The following INTS2 variants were observed in gnomAD, a reference collection of about 807,000 sequenced individuals.
The protein encoded by INTS2 is KIAA1287.
INTS2 carries 57 observed loss-of-function variants against 139.6 expected under a neutral mutation model. The observed-to-expected ratio is 0.41, with a 90% confidence interval of 0.33 to 0.51. The LOEUF (loss-of-function observed/expected upper bound fraction) is 0.51. INTS2 is among the 20% of genes least tolerant of loss of function. INTS2 has a pLI of 0.28. For missense variants in INTS2, 1,196 were observed against 1,436.7 expected, an observed-to-expected ratio of 0.83 and a Z score of 2.71; for synonymous variants, 473 against 493.4, an observed-to-expected ratio of 0.96 and a Z score of 0.55.
Position 61,911,595 on chromosome 17 carries a change from A to T in INTS2, c.879T>A (p.Phe293Leu), listed in dbSNP as rs752599189. 3.1e-6 allele frequency: 5 copies of T among 1,614,010 alleles called. No homozygotes were observed. In the East Asian group the frequency reaches 1.1e-4, roughly 36 times the overall value. Residue 293 changes from phenylalanine (F) to leucine (L), a missense_variant, in exon 7 of 25, where the codon TTT (phenylalanine) becomes TTA (leucine). Phe to Leu is a conservative substitution (Grantham distance 22). Around this residue, in one of 3 missense-constraint regions of INTS2, gnomAD observed 1,129 missense variants for 1,341.9 expected, o/e 0.84. Transcript: ENST00000251334. ...TTGTTCCAAGAAGCAAACCACTTAC[A>T]AAACAAACCAAGTCACTCACTCCAT... ...CEDGVSDLVC[F>L]VSGLLLGTNA... is the part of the protein sequence containing the mutation.
intron 14 of INTS2, 52 bp from the exon 15 acceptor site, chr17:61,889,946 T>G: frequency 1.8e-6 from 2 of 1,087,510 alleles, no homozygotes; most frequent in Non-Finnish European, 2.7e-6. Context: ...CACGAGTGCT[T>G]TTTTTTTTCT....
intron 2 of INTS2, among the ~76,000 whole-genome samples, 176 bp from the exon 3 acceptor site, chr17:61,925,275 G>A (rs1004449767): frequency 6.6e-6 from 1 of 152,134 alleles, no homozygotes; most frequent in African/African-American, 2.4e-5. Context: ...CACATCCTAC[G>A]TATAATAAAT....
At chr17:61,888,051 CA>C (rs954589309) in intron 15 of INTS2, among the ~76,000 whole-genome samples, 20 of 140,310 alleles carry the variant, frequency 1.4e-4, no homozygotes, top group South Asian at 4.6e-4. Flanking sequence ...GATTTTGTCT[CA>C]AAAAAAAAAG....
In INTS2 at chr17:61,875,093, A is replaced by G; in HGVS notation, c.2457-55T>C. The G allele has an allele frequency of 2.3e-6, 3 of 1,303,704 alleles. No individual in the cohort carries two copies. Among genetic ancestry groups the G allele is most frequent in the Non-Finnish European group, 3.1e-6 (3 of 964,212 alleles). 80.8% of individuals were successfully genotyped at this position (1,303,704 alleles called of 1,614,324 possible). A position where few individuals can be genotyped will look rare whatever the true frequency, so the allele number is the denominator to read the frequency against. On this transcript the variant is annotated intron_variant, in intron 18 of 24. Transcript: ENST00000251334. This position sits in a 1 kb window ranked among gnomAD's most constrained non-coding sequence, Gnocchi z 4.6. The stretch of plus-strand genomic sequence containing the variant: ...CAGTTTTTTATATATTAAAATCTGT[A>G]GCCATCCAGTCCTTTCTATCTTAGA...
chr17:61,922,661 T>C (rs944525653), intron 3 of INTS2, among the ~76,000 whole-genome samples: 5 of 151,548 alleles, frequency 3.3e-5, no homozygotes, highest in African/African-American at 1.2e-4. Flanking sequence ...ATTTCCTATA[T>C]AATGAAGAGT....
Position 61,869,069 on chromosome 17 carries a change from C to T in INTS2, c.3209G>A (p.Arg1070His). 1.3e-6 allele frequency: 2 copies of T among 1,581,270 alleles called. No individual in the cohort carries two copies. Among genetic ancestry groups the T allele is most frequent in the Non-Finnish European group, 1.7e-6 (2 of 1,167,162 alleles). The part of the protein sequence containing the change: ...YALPKSLSVA[R>H]LAVNVMGTLL... The stretch of plus-strand genomic sequence containing the variant: ...AGTTCCCATGACATTGACAGCTAAA[C>T]GAGCCACACTAAGTGACTTTGGTAA... Residue 1070 changes from arginine to histidine, a missense_variant, in exon 23 of 25, where the codon CGT becomes CAT. Transcript: ENST00000251334. The surrounding 1 kb of genome is among the most constrained non-coding windows in gnomAD (Gnocchi z 5.4).
intron 6 of INTS2, 83 bp downstream of exon 6, chr17:61,911,857 C>T: frequency 6.7e-7 from 1 of 1,497,562 alleles, no homozygotes; most frequent in Admixed American, 2.2e-5. Context: ...TTCCCCACCT[C>T]TACAGGACTC....
At chr17:61,915,193 C>T (rs750084665) in intron 5 of INTS2, among the ~76,000 whole-genome samples, 3 of 151,566 alleles carry the variant, frequency 2.0e-5, no homozygotes, top group Non-Finnish European at 2.9e-5. Flanking sequence ...AAAAAATTAG[C>T]CGGGCATGGT....
intron 15 of INTS2, among the ~76,000 whole-genome samples, chr17:61,887,984 G>A (rs968750483): frequency 9.2e-5 from 14 of 152,078 alleles, no homozygotes; most frequent in Non-Finnish European, 1.8e-4. Context: ...CCTGAGAGGC[G>A]GAGGTTGCAG....
At position 61,927,933 on chromosome 17, in the gene INTS2, A is replaced by C. The variant is rs1603385918; in HGVS notation, c.-298T>G. 6.2e-7 allele frequency: 1 copy of C among 1,613,944 alleles called. No homozygotes were observed. The highest frequency in any genetic ancestry group is 1.6e-4 in the Middle Eastern group (1 of 6,062). ...GAGACTTTTTCAACCTGCACCCAGCACCTTCATTCATCCCCAGCGTCTGAC... is the reference window on the plus strand; with the variant it reads ...GAGACTTTTTCAACCTGCACCCAGCCCCTTCATTCATCCCCAGCGTCTGAC... On this transcript the variant is annotated 5_prime_UTR_variant, in exon 1 of 25. Coordinates refer to ENST00000251334, the MANE Select transcript of INTS2 (RefSeq NM_001351695.2).
At chr17:61,917,602 G>T (rs2079596080) in intron 5 of INTS2, among the ~76,000 whole-genome samples, 1 of 152,106 alleles carries the variant, frequency 6.6e-6, no homozygotes, top group East Asian at 1.9e-4. Context: ...ATAAAGATGG[G>T]AACAATGGAC....
Position 61,867,570 on chromosome 17 carries a change from A to T in INTS2, c.3578T>A (p.Val1193Asp). Reference sequence around the variant, plus strand: ...TTAAATTTTGTTTTAAATTCCACTAACACTCATATTTATTATTTCAATTAC... The same window carrying T: ...TTAAATTTTGTTTTAAATTCCACTATCACTCATATTTATTATTTCAATTAC... ...RTVIEIINMS[V>D]SGI Residue 1193 changes from valine (V) to aspartate (D), a missense_variant, in exon 25 of 25, where the codon GTT becomes GAT. Physicochemically the swap from Val to Asp is radical, Grantham distance 152 (BLOSUM62 -3). Transcript: ENST00000251334. The surrounding 1 kb of genome is among the most constrained non-coding windows in gnomAD (Gnocchi z 5.6). 1.3e-6 allele frequency: 2 copies of T among 1,599,626 alleles called. No homozygotes were observed. Among genetic ancestry groups the T allele is most frequent in the Non-Finnish European group, 1.7e-6 (2 of 1,172,774 alleles).
rs1372962400 is a variant in INTS2, at chr17:61,927,576, T to A, written c.-19+78A>T. 1.9e-5 allele frequency: 21 copies of A among 1,127,846 alleles called. No homozygotes were observed. The Middle Eastern group carries it at 2.2e-3, about 120-fold the overall frequency. The allele number at this position is 1,127,846 out of a possible 1,614,324, so 69.9% of individuals were successfully genotyped here. A position where few individuals can be genotyped will look rare whatever the true frequency, so the allele number is the denominator to read the frequency against. ...GGCGCAACTAGAACCAATAAGTCCC[T>A]CAGGCTGAGCAAAGTCTGGCCAGGC... On this transcript the variant is annotated intron_variant, in intron 1 of 24. Transcript: ENST00000251334.
intron 3 of INTS2, among the ~76,000 whole-genome samples, chr17:61,923,699 G>C (rs933547123): frequency 6.6e-6 from 1 of 151,824 alleles, no homozygotes; most frequent in Non-Finnish European, 1.5e-5. Flanking sequence ...TGTTGTTTTT[G>C]AGGCAGTTTT....
At position 61,870,055 on chromosome 17, in the gene INTS2, A is replaced by C. The variant is rs548954951; in HGVS notation, c.2779-67T>G. ...GAAGTTAAAAAACAAATCAGATTTT[A>C]TTTTCACATGAACAGATATGATAAA... On this transcript the variant is annotated intron_variant, in intron 20 of 24. Coordinates refer to ENST00000251334, the MANE Select transcript of INTS2 (RefSeq NM_001351695.2). The surrounding 1 kb of genome is among the most constrained non-coding windows in gnomAD (Gnocchi z 4.4). 19 of 1,394,144 alleles carry C rather than the reference A, an allele frequency of 1.4e-5. No homozygotes were observed. In the African/African-American group the frequency reaches 2.6e-4, roughly 19 times the overall value. The allele number at this position is 1,394,144 out of a possible 1,614,324, so 86.4% of individuals were successfully genotyped here.
intron 3 of INTS2, among the ~76,000 whole-genome samples, chr17:61,923,582 A>C (rs905954430): frequency 3.3e-5 from 5 of 151,988 alleles, no homozygotes; most frequent in Admixed American, 1.3e-4. Flanking sequence ...TTTGTCCACA[A>C]TTTATAAAAC....
At chr17:61,907,738 A>G in intron 7 of INTS2, 104 bp from the exon 8 acceptor site, 1 of 805,198 alleles carries the variant, frequency 1.2e-6, no homozygotes, top group Non-Finnish European at 2.0e-6. Flanking sequence ...AAATTGGCCT[A>G]TTTGAAGAGA....
intron 9 of INTS2, among the ~76,000 whole-genome samples, chr17:61,898,476 A>T (rs942648670): frequency 6.6e-6 from 1 of 152,050 alleles, no homozygotes; most frequent in Non-Finnish European, 1.5e-5. Flanking sequence ...TTTTATTTTT[A>T]GTAGAGGGGA....
rs150926502 is a variant in INTS2, at chr17:61,898,093, A to G, written c.1308-354T>C. On this transcript the variant is annotated intron_variant, in intron 9 of 24. Coordinates refer to ENST00000251334, the MANE Select transcript of INTS2 (RefSeq NM_001351695.2). Reference sequence around the variant, plus strand: ...AACAGCTGATATTTATTTCATATAGAAAAAAATCTAGTGTTAACACTTAAG... The same window carrying G: ...AACAGCTGATATTTATTTCATATAGGAAAAAATCTAGTGTTAACACTTAAG... Among the ~76,000 whole-genome samples, 1,185 of 152,308 alleles carry G rather than the reference A, an allele frequency of 7.8e-3. 18 individuals are homozygous for G. Among genetic ancestry groups the G allele is most frequent in the African/African-American group, 0.027 (1,123 of 41,564 alleles).
Sources: allele counts gnomAD v4.1 joint callset (sites outside exome capture counted in the v4.1 genomes callset), GRCh38; gene constraint gnomAD v4.1.1; regional missense constraint gnomAD v4.1.1; non-coding constraint Gnocchi (gnomAD v3.1); transcripts MANE v1.5; gene names NCBI Gene and HGNC (gene_info 2026-07-23, HGNC 2026-07-21).